Variants in NMNAT2 observed in about 807,000 individuals in gnomAD.
The protein encoded by NMNAT2 is nicotinamide nucleotide adenylyltransferase 2.
Under a neutral mutation model 41.6 loss-of-function variants are expected in NMNAT2, and 11 were observed. That is an observed-to-expected ratio of 0.26 (90% confidence interval 0.17 to 0.44). The LOEUF (loss-of-function observed/expected upper bound fraction) is 0.44, where lower values mean the gene tolerates loss of function less well. NMNAT2 is among the 20% of genes least tolerant of loss of function. The pLI is 1.00. For synonymous variants in NMNAT2, 148 were observed against 151.2 expected (o/e 0.98, Z 0.16); for missense variants, 288 against 407.7 (o/e 0.71, Z 2.53).
intron 1 of NMNAT2, among the ~76,000 whole-genome samples, chr1:183,401,788 T>C (rs970038744): frequency 3.3e-5 from 5 of 152,054 alleles, no homozygotes; most frequent in African/African-American, 1.2e-4. Flanking sequence ...AGCTGGAAAC[T>C]ATCATTCTGA....
At chr1:183,254,498 G>C (rs1363149820) in intron 10 of NMNAT2, among the ~76,000 whole-genome samples, 6 of 152,192 alleles carry the variant, frequency 3.9e-5, no homozygotes, top group African/African-American at 1.4e-4. Context: ...GAGTGCAGTA[G>C]TGAGTCATGG....
rs1272258376 is a variant in NMNAT2 at position 183,251,575 on chromosome 1, G to A, written c.*1066C>T. The A allele has an allele frequency of 6.6e-6, 1 of 152,530 alleles. No individual in the cohort carries two copies. The highest frequency in any genetic ancestry group is 1.5e-5 in the Non-Finnish European group (1 of 68,166). 9.4% of individuals were successfully genotyped at this position (152,530 alleles called of 1,614,324 possible). A position where few individuals can be genotyped will look rare whatever the true frequency, so the allele number is the denominator to read the frequency against. ...GTCCTGCCTATGTGGTTGTTCTCAG[G>A]TACAGGAATGTGTCTAAGCATGGCC... On this transcript the variant is annotated 3_prime_UTR_variant, in exon 11 of 11. Coordinates refer to ENST00000287713, the MANE Select transcript of NMNAT2 (RefSeq NM_015039.4).
intron 1 of NMNAT2, among the ~76,000 whole-genome samples, chr1:183,323,524 G>T (rs1391659442): frequency 6.6e-6 from 1 of 152,168 alleles, no homozygotes; most frequent in Non-Finnish European, 1.5e-5. Flanking sequence ...AACACATGTG[G>T]AGCCTTCTGC....
At chr1:183,335,684 C>T (rs1477095925) in intron 1 of NMNAT2, among the ~76,000 whole-genome samples, 1 of 152,224 alleles carries the variant, frequency 6.6e-6, no homozygotes, top group Non-Finnish European at 1.5e-5. Flanking sequence ...TGTGCTGCCA[C>T]ATTGCGCATA....
intron 2 of NMNAT2, 48 bp downstream of exon 2, chr1:183,293,657 A>G: frequency 7.3e-7 from 1 of 1,368,210 alleles, no homozygotes; most frequent in Admixed American, 1.7e-5. Flanking sequence ...CAGGCCAGGG[A>G]TGGGGGGACG....
chr1:183,377,005 G>A (rs1663693436), intron 1 of NMNAT2, among the ~76,000 whole-genome samples: 1 of 152,156 alleles, frequency 6.6e-6, no homozygotes, highest in African/African-American at 2.4e-5. Context: ...TTCTGGGTGG[G>A]AAGGAGAACA....
chr1:183,298,055 G>C (rs946262304), intron 1 of NMNAT2, among the ~76,000 whole-genome samples: 1 of 152,106 alleles, frequency 6.6e-6, no homozygotes, highest in Non-Finnish European at 1.5e-5. Context: ...AAACGTCCTC[G>C]ACTTGACAAA....
intron 1 of NMNAT2, among the ~76,000 whole-genome samples, 196 bp downstream of exon 1, chr1:183,417,987 A>G (rs1242826153): frequency 6.6e-6 from 1 of 151,022 alleles, no homozygotes. Flanking sequence ...TGGCCCCGGC[A>G]AGTGACGCCT....
At chr1:183,370,731 G>A (rs1663518930) in intron 1 of NMNAT2, among the ~76,000 whole-genome samples, 1 of 152,214 alleles carries the variant, frequency 6.6e-6, no homozygotes, top group African/African-American at 2.4e-5. Flanking sequence ...CATGCCTCTT[G>A]TATCTCAAGT....
chr1:183,265,327 C>T (rs1387253504), intron 8 of NMNAT2, among the ~76,000 whole-genome samples: 6 of 130,374 alleles, frequency 4.6e-5, no homozygotes, highest in East Asian at 2.3e-4. Flanking sequence ...AGTGCAGTGG[C>T]GCAATCTTGG....
chr1:183,329,695 C>T (rs1351869594), intron 1 of NMNAT2, among the ~76,000 whole-genome samples: 1 of 152,180 alleles, frequency 6.6e-6, no homozygotes, highest in Non-Finnish European at 1.5e-5. Context: ...ACTTTCCTTC[C>T]TGCTCCTACC....
intron 7 of NMNAT2, among the ~76,000 whole-genome samples, chr1:183,279,375 TGAG>T (rs1661203595): frequency 1.3e-5 from 2 of 152,186 alleles, no homozygotes; most frequent in African/African-American, 4.8e-5. Flanking sequence ...GAGAATACCG[TGAG>T]GAGAGTCCTC....
intron 1 of NMNAT2, among the ~76,000 whole-genome samples, chr1:183,401,002 G>A (rs562959234): frequency 6.6e-6 from 1 of 152,296 alleles, no homozygotes; most frequent in African/African-American, 2.4e-5. Flanking sequence ...ACATAGGCAT[G>A]GGCAAGGACT....
intron 1 of NMNAT2, among the ~76,000 whole-genome samples, chr1:183,350,466 A>G (rs1663022383): frequency 6.6e-6 from 1 of 152,218 alleles, no homozygotes; most frequent in South Asian, 2.1e-4. Context: ...GAAAAATCTT[A>G]TTACCATAAT....
chr1:183,401,608 A>G (rs1475123084), intron 1 of NMNAT2, among the ~76,000 whole-genome samples: 2 of 152,144 alleles, frequency 1.3e-5, no homozygotes, highest in African/African-American at 4.8e-5. Context: ...ATAAAGACAC[A>G]TGCACAAGTA....
intron 1 of NMNAT2, among the ~76,000 whole-genome samples, chr1:183,346,444 T>G (rs1429759322): frequency 6.6e-6 from 1 of 152,178 alleles, no homozygotes; most frequent in African/African-American, 2.4e-5. Flanking sequence ...GGCCACTGGT[T>G]GGGACTGAGC....
intron 1 of NMNAT2, among the ~76,000 whole-genome samples, chr1:183,406,374 A>G (rs1021358609): frequency 6.6e-6 from 1 of 152,190 alleles, no homozygotes; most frequent in Non-Finnish European, 1.5e-5. Flanking sequence ...AGACAAATTA[A>G]ACTTGCTGCA....
At chr1:183,255,466 G>A (rs1449192223) in intron 10 of NMNAT2, among the ~76,000 whole-genome samples, 1 of 151,980 alleles carries the variant, frequency 6.6e-6, no homozygotes, top group Non-Finnish European at 1.5e-5. Context: ...GCTGCCATTG[G>A]GATTTTGATA....
chr1:183,406,775 A>T (rs1571643508), intron 1 of NMNAT2, among the ~76,000 whole-genome samples: 2 of 151,768 alleles, frequency 1.3e-5, no homozygotes, highest in Admixed American at 6.6e-5. Context: ...TTCAAACTGC[A>T]ACTAAATAAA....
Sources: allele counts gnomAD v4.1 joint callset (sites outside exome capture counted in the v4.1 genomes callset), GRCh38; gene constraint gnomAD v4.1.1; transcripts MANE v1.5; gene names NCBI Gene and HGNC (gene_info 2026-07-23, HGNC 2026-07-21).